Variants in PLD2 observed in about 807,000 individuals in gnomAD.
The protein encoded by PLD2 is phospholipase D2, also known as choline phosphatase 2.
A neutral mutation model predicts 119.8 loss-of-function variants in PLD2; 101 were observed. That is an observed-to-expected ratio of 0.84 (90% CI 0.72 to 0.99). PLD2 has a LOEUF of 0.99. Among genes scored for constraint, PLD2 ranks in the 50% least tolerant of loss-of-function variants. PLD2 has a pLI of 0.00. For missense variants in PLD2, 1,164 were observed against 1,226.8 expected (o/e 0.95, Z 0.76); for synonymous variants, 494 against 482.8 (o/e 1.02, Z -0.30).
In PLD2 at chr17:4,809,530, C is replaced by T. The variant is rs149515162; in HGVS notation, c.593C>T (p.Pro198Leu). ...GAAGTCAGTCAGCTGTCCTTTATCC[C>T]GGACTTGGGCCGCAAAGGACTGTGA... Reference protein sequence around the residue: ...FLEVSQLSFIPDLGRKGLEGM... With the variant: ...FLEVSQLSFILDLGRKGLEGM... Residue 198 changes from proline (P) to leucine (L), a missense_variant, in exon 7 of 25, where the codon CCG (proline) becomes CTG (leucine). Transcript: ENST00000263088. 2,307 of 1,606,730 alleles carry T rather than the reference C, an allele frequency of 1.4e-3. 26 individuals carry two copies. The highest frequency in any genetic ancestry group is 3.3e-4 in the Non-Finnish European group (388 of 1,175,238).
Position 4,810,806 on chromosome 17 carries a change from T to G in PLD2, c.865T>G (p.Leu289Val). 6.2e-7 allele frequency: 1 copy of G among 1,611,560 alleles called. No individual in the cohort carries two copies. Among genetic ancestry groups the G allele is most frequent in the Non-Finnish European group, 8.5e-7 (1 of 1,178,670 alleles). Residue 289 changes from leucine to valine, a missense_variant, in exon 10 of 25, where the codon TTG (leucine) becomes GTG (valine). Physicochemically the swap from Leu to Val is conservative, Grantham distance 32. Transcript: ENST00000263088. ...CATCTCATCGTTCCCATCCAGGTCC[T>G]TGATTCTCAAGTGCAGCAGCTACCG... The part of the protein sequence containing the change: ...GVRIDTSHRS[L>V]ILKCSSYRQA...
chr17:4,814,589 G>T, intron 11 of PLD2, 44 bp from the exon 12 acceptor site: 1 of 1,613,418 alleles, frequency 6.2e-7, no homozygotes, highest in Non-Finnish European at 8.5e-7. Context: ...GCAGCTGGTG[G>T]TCTGGGGCTT....
chr17:4,809,405 C>G, intron 6 of PLD2, 42 bp downstream of exon 6: 1 of 1,612,730 alleles, frequency 6.2e-7, no homozygotes, highest in Non-Finnish European at 8.5e-7. Context: ...GCAGGATTAT[C>G]AGACCCTCGG....
chr17:4,819,770 G>T lies in PLD2; in HGVS notation c.2462+188G>T, dbSNP rs539619328. On this transcript the variant is annotated intron_variant, in intron 23 of 24. Transcript: ENST00000263088. The surrounding 1 kb of genome is among the most constrained non-coding windows in gnomAD (Gnocchi z 4.2). ...CCCAGCACTTTGGGAGGCCAAGGCG[G>T]GTGGATTGCCTGAGGTCAGGATTTT... Among the ~76,000 whole-genome samples the T allele has an allele frequency of 4.0e-5, 6 of 151,860 alleles. No individual in the cohort carries two copies. Among genetic ancestry groups the T allele is most frequent in the African/African-American group, 1.2e-4 (5 of 41,476 alleles).
intron 21 of PLD2, 92 bp downstream of exon 21, chr17:4,818,915 C>A: frequency 1.3e-6 from 2 of 1,497,602 alleles, no homozygotes; most frequent in Non-Finnish European, 1.8e-6. Flanking sequence ...AGGAGGCTGT[C>A]ACTCCTGTGA....
At chr17:4,821,961 C>T (rs1907721648) in intron 24 of PLD2, 54 bp downstream of exon 24, 2 of 1,149,970 alleles carry the variant, frequency 1.7e-6, no homozygotes, top group African/African-American at 3.0e-5. Context: ...TGTGGATTAT[C>T]CTGCTCAGGG....
At chr17:4,821,719 C>A in intron 23 of PLD2, 74 bp from the exon 24 acceptor site, 1 of 1,043,548 alleles carries the variant, frequency 9.6e-7, no homozygotes, top group Non-Finnish European at 1.5e-6. Context: ...TGAGTAGGGA[C>A]AATGTAACTT....
At chr17:4,821,447 T>C (rs1209995238) in intron 23 of PLD2, among the ~76,000 whole-genome samples, 1 of 151,740 alleles carries the variant, frequency 6.6e-6, no homozygotes, top group Non-Finnish European at 1.5e-5. Context: ...CAGCTAGAGT[T>C]CAGTGGCGTT....
rs1907398708 is a variant in PLD2, at chr17:4,819,341, T to C, written c.2309-88T>C. 2 of 1,601,348 alleles carry C rather than the reference T, an allele frequency of 1.2e-6. No individual in the cohort carries two copies. The highest frequency in any genetic ancestry group is 1.1e-5 in the South Asian group (1 of 90,154). On this transcript the variant is annotated intron_variant, in intron 22 of 24. Transcript: ENST00000263088. This position sits in a 1 kb window ranked among gnomAD's most constrained non-coding sequence, Gnocchi z 4.2. ...GGGGTGGAGGGTCCAAGAAGGAATGTTGCAGGCCAGTGCTTTGGTAGAGGG... is the reference window on the plus strand; with the variant it reads ...GGGGTGGAGGGTCCAAGAAGGAATGCTGCAGGCCAGTGCTTTGGTAGAGGG...
At position 4,815,596 on chromosome 17, in the gene PLD2, G is replaced by A. The variant is rs781630447; in HGVS notation, c.1284+10G>A. On this transcript the variant is annotated intron_variant, in intron 13 of 24. Coordinates refer to ENST00000263088, the MANE Select transcript of PLD2 (RefSeq NM_002663.5). ...GCACCCCAACATAAAGGTGACTCTC[G>A]GCCTCAGAGACCCTCCCACATGACA... 35 of 1,605,534 alleles carry A rather than the reference G, an allele frequency of 2.2e-5. No individual in the cohort carries two copies. In the Admixed American group the frequency reaches 4.3e-4, roughly 20 times the overall value.
rs1180239347 is a variant in PLD2 at position 4,809,759 on chromosome 17, A to T, written c.683A>T (p.Gln228Leu). 6.2e-7 allele frequency: 1 copy of T among 1,614,004 alleles called. No homozygotes were observed. The highest frequency in any genetic ancestry group is 1.3e-5 in the African/African-American group (1 of 74,902). Residue 228 changes from glutamine (Q) to leucine (L), a missense_variant, in exon 8 of 25, where the codon CAA becomes CTA. By Grantham distance (113) the Gln-to-Leu change is moderately radical. Transcript: ENST00000263088. ...GGCCTCACCTGCTGTGGCCGAGACC[A>T]AGTTTGTTATCGCTGGTCCAAGAGG... ...VPGLTCCGRD[Q>L]VCYRWSKRWL...
rs1250687479 is a variant in PLD2 at position 4,809,979 on chromosome 17, G to A, written c.810G>A (p.Gly270=). The A allele has an allele frequency of 1.2e-6, 2 of 1,614,048 alleles. No individual in the cohort carries two copies. The highest frequency in any genetic ancestry group is 1.7e-6 in the Non-Finnish European group (2 of 1,180,038). ...ACCCTGGCTTTGAGGTGCAAGTGGG[G>A]AAAAGGAGCACGGAGGCACGGCACG... ...LFDPGFEVQV[G]KRSTEARHGV... is the part of the protein sequence containing the mutation. The change falls in exon 9 of 25, where the codon GGG becomes GGA. Residue 270 remains glycine, a synonymous_variant. Transcript: ENST00000263088.
chr17:4,812,723 G>A (rs1906604535), intron 10 of PLD2, among the ~76,000 whole-genome samples: 1 of 152,164 alleles, frequency 6.6e-6, no homozygotes, highest in Admixed American at 6.6e-5. Context: ...CGATAAAAAT[G>A]TCCTATATTT....
chr17:4,821,721 A>G (rs1426278446), intron 23 of PLD2, 72 bp from the exon 24 acceptor site: 4 of 1,074,760 alleles, frequency 3.7e-6, no homozygotes, highest in South Asian at 2.5e-5. Context: ...AGTAGGGACA[A>G]TGTAACTTTT....
chr17:4,812,501 G>A (rs1452834622), intron 10 of PLD2, among the ~76,000 whole-genome samples: 4 of 151,880 alleles, frequency 2.6e-5, no homozygotes, highest in Non-Finnish European at 4.4e-5. Context: ...CACCATGTTG[G>A]CCAGGATGGT....
intron 10 of PLD2, among the ~76,000 whole-genome samples, chr17:4,812,168 G>A (rs576774077): frequency 2.2e-4 from 33 of 149,988 alleles, no homozygotes; most frequent in Admixed American, 8.0e-4. Flanking sequence ...CCAGGCTAGC[G>A]TGCAGTGGCA....
Position 4,822,932 on chromosome 17 carries a change from A to C in PLD2, c.*68A>C. On this transcript the variant is annotated 3_prime_UTR_variant, in exon 25 of 25. Coordinates refer to ENST00000263088, the MANE Select transcript of PLD2 (RefSeq NM_002663.5). ...ACCACGTCTGGCTCCCTGCCCCTTA[A>C]CCCCAAGGACTGAGGGCAGTGCCCT... 1.2e-6 allele frequency: 1 copy of C among 846,714 alleles called. No homozygotes were observed. The highest frequency in any genetic ancestry group is 1.9e-6 in the Non-Finnish European group (1 of 520,798). The allele number at this position is 846,714 out of a possible 1,614,324, so 52.5% of individuals were successfully genotyped here.
At position 4,814,467 on chromosome 17, in the gene PLD2, C is replaced by A; in HGVS notation, c.1060C>A (p.Arg354=). The change falls in exon 11 of 25, where the codon CGA becomes AGA. Residue 354 remains arginine (R), a synonymous_variant. Transcript: ENST00000263088. ...TGCTGCTGTGGCAGATGCCATCCTT[C>A]GAGCTCAAGAGGAGATTTTCATCAC... ...YFAAVADAIL[R]AQEEIFITDW... is the part of the protein sequence containing the mutation. 6.2e-7 allele frequency: 1 copy of A among 1,613,184 alleles called. No homozygotes were observed. The highest frequency in any genetic ancestry group is 8.5e-7 in the Non-Finnish European group (1 of 1,179,742).
chr17:4,809,189 A>C lies in PLD2; in HGVS notation c.473A>C (p.His158Pro). The stretch of plus-strand genomic sequence containing the variant: ...GCAGGTCCTGAGGGCTCCACCAGAC[A>C]TGCAGCCAGCAAACAGGTGGGACCA... Reference protein sequence around the residue: ...PRAGPEGSTRHAASKQKYLEN... With the variant: ...PRAGPEGSTRPAASKQKYLEN... The change falls in exon 5 of 25, where the codon CAT becomes CCT. Residue 158 changes from histidine (H) to proline (P), a missense_variant. His to Pro is a moderately conservative substitution (Grantham distance 77, BLOSUM62 -2). Transcript: ENST00000263088. 6.2e-7 allele frequency: 1 copy of C among 1,614,062 alleles called. No homozygotes were observed. The highest frequency in any genetic ancestry group is 8.5e-7 in the Non-Finnish European group (1 of 1,179,930).
Sources: gnomAD v4.1 joint callset for allele counts (sites outside exome capture counted in the v4.1 genomes callset) on GRCh38, gnomAD v4.1.1 for gene constraint, Gnocchi (gnomAD v3.1) non-coding constraint, MANE v1.5 for transcripts, NCBI Gene and HGNC (gene_info 2026-07-23, HGNC 2026-07-21) for gene names.